Variants in SNAPC1 observed in about 807,000 individuals in gnomAD.
SNAPC1 encodes the protein snRNA-activating protein complex subunit 1.
Under a neutral mutation model 50.1 loss-of-function variants are expected in SNAPC1, and 42 were observed. The ratio of observed to expected loss-of-function variants is 0.84; its 90% CI spans 0.65 to 1.08. The LOEUF (loss-of-function observed/expected upper bound fraction) is 1.08, where lower values mean the gene tolerates loss of function less well. SNAPC1 is among the 50% of genes least tolerant of loss of function. The pLI, the probability that SNAPC1 is intolerant of heterozygous loss-of-function variation, is 0.00. For missense variants in SNAPC1, 477 were observed against 427.3 expected (o/e 1.12, Z -1.02); for synonymous variants, 164 against 144.2 (o/e 1.14, Z -0.98).
rs1185691203 is a variant in SNAPC1 at position 61,796,025 on chromosome 14, G to C, written c.*1042G>C. The C allele has an allele frequency of 1.3e-5, 2 of 152,138 alleles. No individual in the cohort carries two copies. Among genetic ancestry groups the C allele is most frequent in the Non-Finnish European group, 2.9e-5 (2 of 68,026 alleles). The allele number at this position is 152,138 out of a possible 1,614,324, so 9.4% of individuals were successfully genotyped here. ...TGTTTCACAGTTGATTATACTTCAT[G>C]CTGTTTTCCAGCATGGTATTATTAA... is the stretch of plus-strand genomic sequence containing the variant. On this transcript the variant is annotated 3_prime_UTR_variant, in exon 10 of 10. Transcript: ENST00000216294.
chr14:61,765,373 G>A (rs1214153991), intron 1 of SNAPC1, among the ~76,000 whole-genome samples: 1 of 152,184 alleles, frequency 6.6e-6, no homozygotes, highest in African/African-American at 2.4e-5. Context: ...TCAGGAAGTC[G>A]TGTTGACATG....
intron 8 of SNAPC1, among the ~76,000 whole-genome samples, chr14:61,784,446 A>G (rs913647873): frequency 1.3e-5 from 2 of 150,888 alleles, no homozygotes; most frequent in African/African-American, 2.4e-5. Flanking sequence ...GATAATATCC[A>G]CCATCCATTC....
chr14:61,775,529 T>C (rs1026591513), intron 4 of SNAPC1, among the ~76,000 whole-genome samples: 10 of 152,052 alleles, frequency 6.6e-5, no homozygotes, highest in East Asian at 1.9e-4. Flanking sequence ...GCTGGGATTA[T>C]AGGTGTGAGC....
chr14:61,778,226 A>G (rs745438974), intron 6 of SNAPC1, 86 bp downstream of exon 6: 1 of 721,118 alleles, frequency 1.4e-6, no homozygotes, highest in African/African-American at 1.9e-5. Context: ...TATAAGACAT[A>G]TAAGAGAAAA....
chr14:61,768,613 A>G (rs2044965798), intron 3 of SNAPC1, 23 bp from the exon 4 acceptor site: 2 of 1,238,396 alleles, frequency 1.6e-6, no homozygotes, highest in Admixed American at 1.9e-5. Context: ...TACTCATTTA[A>G]AAAGACACGT....
At chr14:61,769,116 T>G (rs1222259188) in intron 4 of SNAPC1, among the ~76,000 whole-genome samples, 1 of 152,064 alleles carries the variant, frequency 6.6e-6, no homozygotes. Context: ...TCTCAGCACT[T>G]TGGGAGGCCG....
chr14:61,773,509 C>G (rs2045010565), intron 4 of SNAPC1, among the ~76,000 whole-genome samples: 1 of 150,122 alleles, frequency 6.7e-6, no homozygotes, highest in Admixed American at 6.7e-5. Context: ...ATTCTCCTGC[C>G]TCGGCCTGCT....
Position 61,762,445 on chromosome 14 carries a change from G to A in SNAPC1, c.-16G>A, listed in dbSNP as rs763048780. The A allele has an allele frequency of 1.9e-6, 3 of 1,610,644 alleles. No homozygotes were observed. The highest frequency in any genetic ancestry group is 2.2e-5 in the East Asian group (1 of 44,838). ...AGAGGCGTGCGGGCTTCGGAGGCGT[G>A]CGGGCTTCGGGTGCCATGGGGACTC... On this transcript the variant is annotated 5_prime_UTR_variant, in exon 1 of 10. Coordinates refer to ENST00000216294, the MANE Select transcript of SNAPC1 (RefSeq NM_003082.4).
intron 1 of SNAPC1, among the ~76,000 whole-genome samples, chr14:61,765,259 T>C (rs2140173412): frequency 6.6e-6 from 1 of 152,318 alleles, no homozygotes; most frequent in Admixed American, 6.5e-5. Context: ...TTATGCTGTT[T>C]ATATCCACAG....
At chr14:61,780,593 G>A (rs982814884) in intron 7 of SNAPC1, among the ~76,000 whole-genome samples, 8 of 152,028 alleles carry the variant, frequency 5.3e-5, no homozygotes, top group African/African-American at 1.7e-4. Flanking sequence ...GACCTTTATC[G>A]AATGCAAAGT....
chr14:61,787,606 C>T (rs1306211769), intron 8 of SNAPC1, among the ~76,000 whole-genome samples: 4 of 152,158 alleles, frequency 2.6e-5, no homozygotes, highest in Admixed American at 2.6e-4. Context: ...GGTTACAGCT[C>T]GGCATTTGCC....
chr14:61,779,015 A>G lies in SNAPC1; in HGVS notation c.825+105A>G, dbSNP rs2045053710. 11 of 657,028 alleles carry G rather than the reference A, an allele frequency of 1.7e-5. 1 individual carries two copies. Among genetic ancestry groups the G allele is most frequent in the Middle Eastern group, 8.1e-4 (2 of 2,472 alleles). The allele number at this position is 657,028 out of a possible 1,614,324, so 40.7% of individuals were successfully genotyped here. A position where few individuals can be genotyped will look rare whatever the true frequency, so the allele number is the denominator to read the frequency against. ...ACATGTACTTAGTTTTAAAAGTCAA[A>G]TAATGCTAGAGAGATTATATAGCAC... On this transcript the variant is annotated intron_variant, in intron 7 of 9. Coordinates refer to ENST00000216294, the MANE Select transcript of SNAPC1 (RefSeq NM_003082.4).
At chr14:61,771,062 G>T (rs1167778069) in intron 4 of SNAPC1, among the ~76,000 whole-genome samples, 1 of 152,086 alleles carries the variant, frequency 6.6e-6, no homozygotes, top group Non-Finnish European at 1.5e-5. Context: ...CATTTTTAGG[G>T]TGAGGTACTG....
At chr14:61,785,085 A>G (rs2045105572) in intron 8 of SNAPC1, among the ~76,000 whole-genome samples, 1 of 152,222 alleles carries the variant, frequency 6.6e-6, no homozygotes, top group South Asian at 2.1e-4. Flanking sequence ...TAGCTTAAAT[A>G]AAATGAATAA....
intron 1 of SNAPC1, among the ~76,000 whole-genome samples, chr14:61,763,677 C>A (rs137871614): frequency 1.8e-4 from 28 of 152,090 alleles, no homozygotes; most frequent in African/African-American, 6.3e-4. Flanking sequence ...GCATAGCACC[C>A]TGTTTTTATT....
intron 3 of SNAPC1, 29 bp from the exon 4 acceptor site, chr14:61,768,607 C>G (rs751566976): frequency 8.8e-7 from 1 of 1,134,582 alleles, no homozygotes; most frequent in South Asian, 1.3e-5. Flanking sequence ...AAAAGATACT[C>G]ATTTAAAAAG....
chr14:61,784,004 A>T (rs1282018011), intron 8 of SNAPC1, among the ~76,000 whole-genome samples: 1 of 152,234 alleles, frequency 6.6e-6, no homozygotes, highest in Non-Finnish European at 1.5e-5. Context: ...GGTATATATG[A>T]AGATAAGTTA....
chr14:61,785,666 G>C (rs192439297), intron 8 of SNAPC1, among the ~76,000 whole-genome samples: 44 of 152,292 alleles, frequency 2.9e-4, no homozygotes, highest in Admixed American at 3.9e-4. Flanking sequence ...GTCGTACATT[G>C]GTTTGGTCTG....
chr14:61,765,607 A>G (rs945096545), intron 1 of SNAPC1, among the ~76,000 whole-genome samples: 1 of 152,188 alleles, frequency 6.6e-6, no homozygotes, highest in East Asian at 1.9e-4. Flanking sequence ...AAAGGAGGCA[A>G]ATCAGATATG....
Sources: gnomAD v4.1 joint callset for allele counts (sites outside exome capture counted in the v4.1 genomes callset) on GRCh38, gnomAD v4.1.1 for gene constraint, MANE v1.5 for transcripts, NCBI Gene and HGNC (gene_info 2026-07-23, HGNC 2026-07-21) for gene names.